The following SBNO1 variants were observed in gnomAD, a reference collection of about 807,000 sequenced individuals.
SBNO1 encodes protein strawberry notch homolog 1.
Under a neutral mutation model 173.6 loss-of-function variants are expected in SBNO1, and 23 were observed. The ratio of observed to expected loss-of-function variants is 0.13; its 90% CI spans 0.10 to 0.19. The LOEUF is 0.19. Among genes scored for constraint, SBNO1 ranks in the 10% least tolerant of loss-of-function variants. The pLI is 1.00. For missense variants in SBNO1, 1,238 were observed against 1,671.2 expected (o/e 0.74, Z 4.52); for synonymous variants, 632 against 571.5 (o/e 1.11, Z -1.51).
At position 123,289,797 on chromosome 12, in the gene SBNO1, T is replaced by G. The variant is rs1308004580; in HGVS notation, c.*6111A>C. ...GCAATGTGCTATGTAGAAAAAAAGC[T>G]CTCTCTGCCCCATAAAGTGGGAGTC... On this transcript the variant is annotated 3_prime_UTR_variant, in exon 32 of 32. Transcript: ENST00000602398. 1.3e-5 allele frequency: 2 copies of G among 152,214 alleles called. No homozygotes were observed. Among genetic ancestry groups the G allele is most frequent in the East Asian group, 1.9e-4 (1 of 5,196 alleles). The allele number at this position is 152,214 out of a possible 1,614,324, so 9.4% of individuals were successfully genotyped here.
chr12:123,296,486 G>A (rs763793056), intron 31 of SBNO1, among the ~76,000 whole-genome samples: 7 of 151,324 alleles, frequency 4.6e-5, no homozygotes, highest in Non-Finnish European at 1.0e-4. Context: ...CTGGTTAAGG[G>A]AACTTTAAGT....
rs552331265 is a variant in SBNO1, at chr12:123,363,368, T to C, written c.-1+1333A>G. Among the ~76,000 whole-genome samples, 9 of 152,208 alleles carry C rather than the reference T, an allele frequency of 5.9e-5. No homozygotes were observed. In the East Asian group the frequency reaches 1.5e-3, roughly 26 times the overall value. ...GATTGCTAGAAAATATGGTGGAAAA[T>C]AGAATCCCTCTGTACTGTCAGCTCG... On this transcript the variant is annotated intron_variant, in intron 1 of 31. Coordinates refer to ENST00000602398, the MANE Select transcript of SBNO1 (RefSeq NM_001167856.3).
chr12:123,300,627 C>T (rs1452145895), intron 30 of SBNO1, among the ~76,000 whole-genome samples: 1 of 151,556 alleles, frequency 6.6e-6, no homozygotes, highest in Admixed American at 6.6e-5. Context: ...CACTGCACTC[C>T]AGCCTGGGTG....
Position 123,331,216 on chromosome 12 carries a change from C to T in SBNO1, c.1043+26G>A, listed in dbSNP as rs369224444. 4.3e-5 allele frequency: 69 copies of T among 1,611,214 alleles called. No individual in the cohort carries two copies. The Middle Eastern group carries it at 1.8e-3, about 42-fold the overall frequency. ...TAACCTCGTGATCCGCTGCGCCTGG[C>T]CCACAGCCAGTTTTTAAACACTTAC... On this transcript the variant is annotated intron_variant, in intron 8 of 31. Transcript: ENST00000602398.
Position 123,350,272 on chromosome 12 carries a change from G to C in SBNO1, c.132+38C>G, listed in dbSNP as rs111729045. 83 of 1,609,220 alleles carry C rather than the reference G, an allele frequency of 5.2e-5. 3 individuals carry two copies. The African/African-American group carries it at 6.6e-4, about 13-fold the overall frequency. On this transcript the variant is annotated intron_variant, in intron 2 of 31. Coordinates refer to ENST00000602398, the MANE Select transcript of SBNO1 (RefSeq NM_001167856.3). ...ATCTTAAAAAAAAATACTGTAAGCG[G>C]AAATCACTAAGAAAGAGAGGCTTTG... is the stretch of plus-strand genomic sequence containing the variant.
intron 28 of SBNO1, among the ~76,000 whole-genome samples, chr12:123,307,443 C>T (rs781436010): frequency 6.6e-6 from 1 of 152,182 alleles, no homozygotes; most frequent in Non-Finnish European, 1.5e-5. Flanking sequence ...ATCAGACCTT[C>T]ATAGAAAAAG....
chr12:123,302,779 C>G (rs898084767), intron 30 of SBNO1, 45 bp downstream of exon 30: 6 of 1,239,896 alleles, frequency 4.8e-6, no homozygotes, highest in Non-Finnish European at 7.1e-6. Context: ...ATTTAAATCT[C>G]AATTAAATTT....
intron 29 of SBNO1, among the ~76,000 whole-genome samples, 168 bp from the exon 30 acceptor site, chr12:123,303,068 C>T: frequency 6.6e-6 from 1 of 152,182 alleles, no homozygotes; most frequent in Non-Finnish European, 1.5e-5. Flanking sequence ...CTCTGTCATG[C>T]TGGTTCCTCT....
chr12:123,363,745 A>G, intron 1 of SBNO1: 1 of 569,530 alleles, frequency 1.8e-6, no homozygotes, highest in Non-Finnish European at 2.2e-6. Flanking sequence ...AGCCTCCCAC[A>G]GTAAACCGAG....
chr12:123,315,709 G>T, intron 21 of SBNO1, 49 bp from the exon 22 acceptor site: 3 of 1,022,076 alleles, frequency 2.9e-6, no homozygotes, highest in South Asian at 2.6e-5. Flanking sequence ...TCGCTGGACA[G>T]AGAATATTCT....
At chr12:123,302,698 A>T in intron 30 of SBNO1, 126 bp downstream of exon 30, 1 of 710,888 alleles carries the variant, frequency 1.4e-6, no homozygotes, top group Non-Finnish European at 2.5e-6. Context: ...TCCTGATGGA[A>T]CACACCACGC....
chr12:123,305,639 A>G (rs2048895703), intron 28 of SBNO1, among the ~76,000 whole-genome samples: 1 of 151,844 alleles, frequency 6.6e-6, no homozygotes, highest in South Asian at 2.1e-4. Context: ...ATGCCTGGCT[A>G]ATTTTGTATT....
At chr12:123,301,453 G>A (rs926369239) in intron 30 of SBNO1, among the ~76,000 whole-genome samples, 6 of 152,032 alleles carry the variant, frequency 3.9e-5, no homozygotes, top group Non-Finnish European at 8.8e-5. Context: ...CAAACAAAAA[G>A]CCCCTCAAGC....
rs758569605 is a variant in SBNO1, at chr12:123,328,748, C to T, written c.1282G>A (p.Asp428Asn). The T allele has an allele frequency of 1.9e-6, 3 of 1,558,218 alleles. No homozygotes were observed. The highest frequency in any genetic ancestry group is 2.6e-6 in the Non-Finnish European group (3 of 1,148,088). The change falls in exon 10 of 32, where the codon GAC (aspartate) becomes AAC (asparagine). Residue 428 changes from aspartate to asparagine, a missense_variant. Physicochemically the swap from Asp to Asn is conservative, Grantham distance 23. This residue lies in a region of SBNO1 where 182 missense variants were observed against 339.9 expected (regional missense o/e 0.54). Transcript: ENST00000602398. Reference sequence around the variant, plus strand: ...ATAAAGGATACCACTCCATCGAAGTCATCACCGCACCAATGCAGAAGTTGT... The same window carrying T: ...ATAAAGGATACCACTCCATCGAAGTTATCACCGCACCAATGCAGAAGTTGT... The part of the protein sequence containing the change: ...LKQLLHWCGD[D>N]FDGVIVFDEC...
At chr12:123,310,015 T>G (rs140726830) in intron 25 of SBNO1, among the ~76,000 whole-genome samples, 159 bp from the exon 26 acceptor site, 6 of 152,180 alleles carry the variant, frequency 3.9e-5, no homozygotes, top group Non-Finnish European at 8.8e-5. Flanking sequence ...TTTCTCTCTC[T>G]AGCAATTAGC....
chr12:123,326,881 C>A lies in SBNO1; in HGVS notation c.1692+545G>T, dbSNP rs2138988879. 1.3e-5 allele frequency among the ~76,000 whole-genome samples: 2 copies of A among 152,240 alleles called. 1 individual carries two copies. The highest frequency in any genetic ancestry group is 4.1e-4 in the South Asian group (2 of 4,824). On this transcript the variant is annotated intron_variant, in intron 13 of 31. Transcript: ENST00000602398. ...GGTAGAGGTTGCAGTAAGCCAAGAT[C>A]ACACCACTGTACTCCAGTCTGGGTG...
chr12:123,295,752 C>A lies in SBNO1; in HGVS notation c.*156G>T. ...TCAGCACTGCTGATTTTCAGTTTTGCTATCTATTCCAGGTTTGTCCTTACT... is the reference window on the plus strand; with the variant it reads ...TCAGCACTGCTGATTTTCAGTTTTGATATCTATTCCAGGTTTGTCCTTACT... On this transcript the variant is annotated 3_prime_UTR_variant, in exon 32 of 32. Transcript: ENST00000602398. 1.2e-6 allele frequency: 1 copy of A among 841,736 alleles called. No individual in the cohort carries two copies. Among genetic ancestry groups the A allele is most frequent in the Admixed American group, 2.3e-5 (1 of 43,198 alleles). The allele number at this position is 841,736 out of a possible 1,614,324, so 52.1% of individuals were successfully genotyped here. A position where few individuals can be genotyped will look rare whatever the true frequency, so the allele number is the denominator to read the frequency against.
At chr12:123,362,431 G>A (rs529770919) in intron 1 of SBNO1, among the ~76,000 whole-genome samples, 174 of 67,156 alleles carry the variant, frequency 2.6e-3, no homozygotes, top group African/African-American at 0.011. Context: ...GCGAGACTCC[G>A]TCTCAAAAAA....
chr12:123,335,597 G>A (rs1317075927), intron 6 of SBNO1, among the ~76,000 whole-genome samples: 1 of 152,190 alleles, frequency 6.6e-6, no homozygotes, highest in African/African-American at 2.4e-5. Flanking sequence ...TGATTTTGCC[G>A]TTTTAGGCCA....
Sources: allele counts gnomAD v4.1 joint callset (sites outside exome capture counted in the v4.1 genomes callset), GRCh38; gene constraint gnomAD v4.1.1; regional missense constraint gnomAD v4.1.1; transcripts MANE v1.5; gene names NCBI Gene and HGNC (gene_info 2026-07-23, HGNC 2026-07-21).